Variants in GABRB3 observed in about 807,000 individuals in gnomAD.
GABRB3 encodes gamma-aminobutyric acid receptor subunit beta-3.
A neutral mutation model predicts 52.1 loss-of-function variants in GABRB3; 14 were observed. The ratio of observed to expected loss-of-function variants is 0.27; its 90% confidence interval spans 0.18 to 0.42. The LOEUF (loss-of-function observed/expected upper bound fraction) is 0.42, where lower values mean the gene tolerates loss of function less well. Ranked by LOEUF, GABRB3 falls within the 10% of genes least tolerant of loss-of-function variation. GABRB3 has a pLI of 1.00. For missense variants in GABRB3, 307 were observed against 609.1 expected, an observed-to-expected ratio of 0.50 and a Z score of 5.22; for synonymous variants, 260 against 232.3, an observed-to-expected ratio of 1.12 and a Z score of -1.08.
At chr15:26,742,947 T>TTTTTTTTTTTTTTTTTTTTTG (rs771203717) in intron 3 of GABRB3, among the ~76,000 whole-genome samples, 1 of 104,168 alleles carries the variant, frequency 9.6e-6, no homozygotes, top group East Asian at 3.0e-4. Context: ...TTTTTTTTTT[T>TTTTTTTTTTTTTTTTTTTTTG]GAGACAGAGT....
chr15:26,629,128 C>T, intron 3 of GABRB3: 1 of 1,524,322 alleles, frequency 6.6e-7, no homozygotes, highest in South Asian at 1.2e-5. Context: ...ACAGGAGAGG[C>T]TGAAGCTCGG....
chr15:26,766,497 C>T (rs1891001243), intron 3 of GABRB3, among the ~76,000 whole-genome samples: 1 of 152,168 alleles, frequency 6.6e-6, no homozygotes, highest in Non-Finnish European at 1.5e-5. Flanking sequence ...ACACTACCCT[C>T]CTCATTAACA....
chr15:26,555,954 A>T (rs921943433), intron 8 of GABRB3, among the ~76,000 whole-genome samples: 41 of 152,192 alleles, frequency 2.7e-4, no homozygotes, highest in African/African-American at 9.4e-4. Flanking sequence ...AATCTGTTAA[A>T]TCTTAGGAGC....
intron 3 of GABRB3, among the ~76,000 whole-genome samples, chr15:26,770,321 C>CA (rs534107148): frequency 1.8e-3 from 268 of 151,610 alleles, no homozygotes; most frequent in Non-Finnish European, 3.0e-3. Flanking sequence ...CATAAGAATG[C>CA]AAAAAAAATG....
At chr15:26,738,969 C>A (rs1025132421) in intron 3 of GABRB3, among the ~76,000 whole-genome samples, 2 of 152,156 alleles carry the variant, frequency 1.3e-5, no homozygotes, top group Non-Finnish European at 2.9e-5. Context: ...GTATTCAGCA[C>A]GTGCAGTTTT....
intron 4 of GABRB3, among the ~76,000 whole-genome samples, chr15:26,606,772 A>ATCTATC (rs1566770499): frequency 1.2e-5 from 1 of 81,684 alleles, no homozygotes. Context: ...GTCTATCTAT[A>ATCTATC]GATAGATAGA....
chr15:26,687,032 C>G (rs980988835), intron 3 of GABRB3, among the ~76,000 whole-genome samples: 4 of 152,244 alleles, frequency 2.6e-5, no homozygotes, highest in African/African-American at 9.6e-5. Flanking sequence ...AAGAGGCGCA[C>G]AGGGATGGCG....
intron 4 of GABRB3, among the ~76,000 whole-genome samples, chr15:26,610,260 G>T (rs1459237994): frequency 6.6e-6 from 1 of 152,142 alleles, no homozygotes; most frequent in African/African-American, 2.4e-5. Context: ...ATTTTTGTTG[G>T]TTGAAGGGAT....
chr15:26,710,973 C>G (rs1889275583), intron 3 of GABRB3, among the ~76,000 whole-genome samples: 2 of 150,864 alleles, frequency 1.3e-5, no homozygotes, highest in African/African-American at 4.9e-5. Flanking sequence ...TTTTTGACAT[C>G]TCCTTTAATC....
intron 3 of GABRB3, among the ~76,000 whole-genome samples, chr15:26,762,316 C>T (rs920532081): frequency 9.9e-5 from 15 of 152,130 alleles, no homozygotes; most frequent in African/African-American, 3.4e-4. Context: ...TCCTTGTAAA[C>T]CAGTAGATTA....
At chr15:26,688,567 C>T (rs1306382857) in intron 3 of GABRB3, among the ~76,000 whole-genome samples, 1 of 152,166 alleles carries the variant, frequency 6.6e-6, no homozygotes, top group Non-Finnish European at 1.5e-5. Context: ...AAAATGAGAG[C>T]CATAGGTGTG....
chr15:26,559,761 G>A (rs374488742), intron 8 of GABRB3, among the ~76,000 whole-genome samples: 35 of 152,286 alleles, frequency 2.3e-4, no homozygotes, highest in African/African-American at 5.5e-4. Context: ...GCTGGAGGAG[G>A]GTGTGCAAGG....
rs541525229 is a variant in GABRB3 at position 26,755,432 on chromosome 15, T to A, written c.240+16970A>T. The stretch of plus-strand genomic sequence containing the variant: ...CTAAACCAAAACAATGACTTGAACA[T>A]GTGTATTCTATTGCTCACCTATCAG... On this transcript the variant is annotated intron_variant, in intron 3 of 8. Coordinates refer to ENST00000311550, the MANE Select transcript of GABRB3 (RefSeq NM_000814.6). Among the ~76,000 whole-genome samples, 10 of 152,344 alleles carry A rather than the reference T, an allele frequency of 6.6e-5. No individual in the cohort carries two copies. In the South Asian group the frequency reaches 2.1e-3, roughly 32 times the overall value.
rs1890064169 is a variant in GABRB3, at chr15:26,736,291, A to C, written c.240+36111T>G. Among the ~76,000 whole-genome samples, 4 of 152,364 alleles carry C rather than the reference A, an allele frequency of 2.6e-5. No individual in the cohort carries two copies. The South Asian group carries it at 8.3e-4, about 32-fold the overall frequency. Reference sequence around the variant, plus strand: ...ATTTTTTAAATAAGCTACTTACATAAGGCACTATCATTGGCAGAATCACAT... The same window carrying C: ...ATTTTTTAAATAAGCTACTTACATACGGCACTATCATTGGCAGAATCACAT... On this transcript the variant is annotated intron_variant, in intron 3 of 8. Coordinates refer to ENST00000311550, the MANE Select transcript of GABRB3 (RefSeq NM_000814.6).
At chr15:26,608,700 A>T (rs1891936020) in intron 4 of GABRB3, among the ~76,000 whole-genome samples, 1 of 152,164 alleles carries the variant, frequency 6.6e-6, no homozygotes, top group Admixed American at 6.5e-5. Context: ...TATGAAAAGA[A>T]GTTCAACATC....
At chr15:26,711,080 A>T (rs1400547920) in intron 3 of GABRB3, among the ~76,000 whole-genome samples, 3 of 152,156 alleles carry the variant, frequency 2.0e-5, no homozygotes, top group Admixed American at 6.5e-5. Context: ...TCTATTCCAA[A>T]ACAAATCTAG....
rs557694936 is a variant in GABRB3 at position 26,772,706 on chromosome 15, G to A, written c.147C>T (p.Asp49=). The A allele has an allele frequency of 1.9e-6, 3 of 1,579,968 alleles. No homozygotes were observed. The highest frequency in any genetic ancestry group is 1.4e-5 in the African/African-American group (1 of 71,758). ...CCCCGAAGTCGGGTCTTAGGCGAAT[G>A]TCGTAGCCTTTCAACAGCTTGTCCA... ...ETVDKLLKGY[D]IRLRPDFGGP... The change falls in exon 2 of 9, where the codon GAC becomes GAT. Residue 49 remains aspartate, a synonymous_variant. Coordinates refer to ENST00000311550, the MANE Select transcript of GABRB3 (RefSeq NM_000814.6).
intron 7 of GABRB3, among the ~76,000 whole-genome samples, chr15:26,566,925 T>C (rs1890199930): frequency 6.6e-6 from 1 of 152,236 alleles, no homozygotes; most frequent in African/African-American, 2.4e-5. Flanking sequence ...AGCTCTGTAC[T>C]TACATAAACG....
intron 4 of GABRB3, among the ~76,000 whole-genome samples, chr15:26,589,179 C>T (rs1638519438): frequency 6.6e-6 from 1 of 152,146 alleles, no homozygotes; most frequent in Non-Finnish European, 1.5e-5. Flanking sequence ...TTAAAATATT[C>T]ACACATTGAT....
Sources: allele counts gnomAD v4.1 joint callset (sites outside exome capture counted in the v4.1 genomes callset), GRCh38; gene constraint gnomAD v4.1.1; transcripts MANE v1.5; gene names NCBI Gene and HGNC (gene_info 2026-07-23, HGNC 2026-07-21).